PRMT1: variants seen among roughly 807,000 people sequenced by gnomAD.
PRMT1 encodes protein arginine methyltransferase 1, also known as protein arginine N-methyltransferase 1.
A neutral mutation model predicts 47.4 loss-of-function variants in PRMT1; 5 were observed. That is an observed-to-expected ratio of 0.11 (90% CI 0.06 to 0.22). The LOEUF (loss-of-function observed/expected upper bound fraction) is 0.22, where lower values mean the gene tolerates loss of function less well. Ranked by LOEUF, PRMT1 falls within the 10% of genes least tolerant of loss-of-function variation. PRMT1 has a pLI of 1.00. For missense variants in PRMT1, 249 were observed against 518.4 expected, an observed-to-expected ratio of 0.48 and a Z score of 5.05; for synonymous variants, 227 against 204.6, an observed-to-expected ratio of 1.11 and a Z score of -0.94.
Position 49,684,138 on chromosome 19 carries a change from C to T in PRMT1, c.555+69C>T. On this transcript the variant is annotated intron_variant, in intron 6 of 10. Coordinates refer to ENST00000454376, the MANE Select transcript of PRMT1 (RefSeq NM_001536.6). This position sits in a 1 kb window ranked among gnomAD's most constrained non-coding sequence, Gnocchi z 6.2. The stretch of plus-strand genomic sequence containing the variant: ...CCAGGTAGAAGACGAAAACCACGCT[C>T]AATTTTTCCCACAGACGGGACTTAC... The T allele has an allele frequency of 6.3e-7, 1 of 1,586,318 alleles. No homozygotes were observed. The highest frequency in any genetic ancestry group is 1.1e-5 in the South Asian group (1 of 88,806).
intron 10 of PRMT1, chr19:49,687,874 C>T: frequency 7.8e-6 from 4 of 513,774 alleles, no homozygotes. Context: ...ATGAAAGAAG[C>T]AATCACTGCA....
chr19:49,688,104 C>G lies in PRMT1; in HGVS notation c.1033-58C>G. 1 of 1,475,800 alleles carries G rather than the reference C, an allele frequency of 6.8e-7. No individual in the cohort carries two copies. The allele number at this position is 1,475,800 out of a possible 1,614,324, so 91.4% of individuals were successfully genotyped here. A position where few individuals can be genotyped will look rare whatever the true frequency, so the allele number is the denominator to read the frequency against. On this transcript the variant is annotated intron_variant, in intron 10 of 10. Coordinates refer to ENST00000454376, the MANE Select transcript of PRMT1 (RefSeq NM_001536.6). The surrounding 1 kb of genome is among the most constrained non-coding windows in gnomAD (Gnocchi z 5.3). ...CATCGTCGCATAGCCTGCCTGCACC[C>G]GCCCCCCGCCACCACCTCCTGGTGG... is the stretch of plus-strand genomic sequence containing the variant.
At chr19:49,682,480 G>A (rs1278360810) in intron 5 of PRMT1, among the ~76,000 whole-genome samples, 2 of 152,198 alleles carry the variant, frequency 1.3e-5, no homozygotes, top group African/African-American at 4.8e-5. Flanking sequence ...CTAGTTTCTT[G>A]AATGAGTAAT....
intron 5 of PRMT1, 122 bp from the exon 6 acceptor site, chr19:49,683,805 A>G: frequency 8.9e-7 from 1 of 1,125,266 alleles, no homozygotes. Flanking sequence ...AGAAGGGTTC[A>G]TGGCTTCTGC....
rs369148335 is a variant in PRMT1, at chr19:49,686,615, C to T, written c.921C>T (p.Ser307=). 5.0e-6 allele frequency: 8 copies of T among 1,611,172 alleles called. No homozygotes were observed. The highest frequency in any genetic ancestry group is 1.3e-5 in the African/African-American group (1 of 74,696). ...CGCCCGCGCCCCCAGGCCCCGAGTCCCCGTACACGCACTGGAAGCAGACGG... is the reference window on the plus strand; with the variant it reads ...CGCCCGCGCCCCCAGGCCCCGAGTCTCCGTACACGCACTGGAAGCAGACGG... The part of the protein sequence containing the change: ...KRTGFSTSPE[S]PYTHWKQTVF... Residue 307 remains serine (S), a synonymous_variant, in exon 10 of 11, where the codon TCC becomes TCT. Transcript: ENST00000454376.
At chr19:49,677,202 T>G, upstream of PRMT1, 2 of 1,317,612 alleles carry the variant, frequency 1.5e-6, no homozygotes, top group Non-Finnish European at 2.0e-6. Context: ...CCGTGGACCC[T>G]CTGGTATAAG....
intron 1 of PRMT1, among the ~76,000 whole-genome samples, chr19:49,678,640 G>A (rs1391622099): frequency 6.6e-6 from 1 of 152,090 alleles, no homozygotes; most frequent in Middle Eastern, 3.2e-3. Flanking sequence ...TGGGGCCTCT[G>A]TCCTTCCACC....
rs770520998 is a variant in PRMT1 at position 49,686,785 on chromosome 19, GGGGGGAGTGGT to G, written c.1032+67_1032+77del. On this transcript the variant is annotated intron_variant, in intron 10 of 10. Coordinates refer to ENST00000454376, the MANE Select transcript of PRMT1 (RefSeq NM_001536.6). The stretch of plus-strand genomic sequence containing the variant: ...AGCTAGGGCGGGGAGTGTAGATTGG[GGGGGGAGTGGT>G]GGGGGAGGAATGGTGGCAGCGGGGG... The G allele has an allele frequency of 4.3e-3, 4,603 of 1,082,628 alleles. 98 individuals carry two copies. The highest frequency in any genetic ancestry group is 5.3e-3 in the Admixed American group (168 of 31,530). The allele number at this position is 1,082,628 out of a possible 1,614,324, so 67.1% of individuals were successfully genotyped here.
intron 1 of PRMT1, 64 bp from the exon 2 acceptor site, chr19:49,679,808 G>A (rs928391726): frequency 1.3e-4 from 178 of 1,345,260 alleles, no homozygotes; most frequent in Middle Eastern, 1.8e-4. Flanking sequence ...CCCAGGTTCC[G>A]CCACCCAGCC....
At chr19:49,678,956 T>G (rs1265669774) in intron 1 of PRMT1, among the ~76,000 whole-genome samples, 4 of 150,468 alleles carry the variant, frequency 2.7e-5, no homozygotes, top group African/African-American at 7.4e-5. Context: ...TGATCTCGGC[T>G]CATTGCAACC....
Position 49,683,976 on chromosome 19 carries a change from G to A in PRMT1, c.462G>A (p.Glu154=). 6.2e-7 allele frequency: 1 copy of A among 1,614,118 alleles called. No homozygotes were observed. The highest frequency in any genetic ancestry group is 1.1e-5 in the South Asian group (1 of 91,082). Reference sequence around the variant, plus strand: ...TGGAGGAGGTGGAGCTCCCAGTGGAGAAGGTGGACATCATCATCAGCGAGT... The same window carrying A: ...TGGAGGAGGTGGAGCTCCCAGTGGAAAAGGTGGACATCATCATCAGCGAGT... ...GKVEEVELPV[E]KVDIIISEWM... Residue 154 remains glutamate (E), a synonymous_variant, in exon 6 of 11, where the codon GAG becomes GAA. Transcript: ENST00000454376.
Position 49,680,348 on chromosome 19 carries a change from C to T in PRMT1, c.91-139C>T. ...TGGGGTTCCTGGGGGGGCAAGATGG[C>T]AGGCGGGGGCTGTAGGGTTGTCATG... On this transcript the variant is annotated intron_variant, in intron 2 of 10. Coordinates refer to ENST00000454376, the MANE Select transcript of PRMT1 (RefSeq NM_001536.6). This position sits in a 1 kb window ranked among gnomAD's most constrained non-coding sequence, Gnocchi z 4.2. The T allele has an allele frequency of 9.2e-7, 1 of 1,081,594 alleles. No homozygotes were observed. The highest frequency in any genetic ancestry group is 1.4e-6 in the Non-Finnish European group (1 of 719,726). The allele number at this position is 1,081,594 out of a possible 1,614,324, so 67.0% of individuals were successfully genotyped here. A position where few individuals can be genotyped will look rare whatever the true frequency, so the allele number is the denominator to read the frequency against.
chr19:49,680,409 A>G lies in PRMT1; in HGVS notation c.91-78A>G. 7.8e-7 allele frequency: 1 copy of G among 1,279,930 alleles called. No individual in the cohort carries two copies. Among genetic ancestry groups the G allele is most frequent in the Non-Finnish European group, 1.1e-6 (1 of 879,698 alleles). The allele number at this position is 1,279,930 out of a possible 1,614,324, so 79.3% of individuals were successfully genotyped here. A position where few individuals can be genotyped will look rare whatever the true frequency, so the allele number is the denominator to read the frequency against. ...GGGGGTTCTATACTACTCTTCAGGGAAAAGTAGGGCGCTGGAGGTTTAAGA... is the reference window on the plus strand; with the variant it reads ...GGGGGTTCTATACTACTCTTCAGGGGAAAGTAGGGCGCTGGAGGTTTAAGA... On this transcript the variant is annotated intron_variant, in intron 2 of 10. Coordinates refer to ENST00000454376, the MANE Select transcript of PRMT1 (RefSeq NM_001536.6). This position sits in a 1 kb window ranked among gnomAD's most constrained non-coding sequence, Gnocchi z 4.2.
In PRMT1 at chr19:49,688,088, A is replaced by G; in HGVS notation, c.1033-74A>G. 1 of 1,315,724 alleles carries G rather than the reference A, an allele frequency of 7.6e-7. No homozygotes were observed. Among genetic ancestry groups the G allele is most frequent in the South Asian group, 1.2e-5 (1 of 85,130 alleles). The allele number at this position is 1,315,724 out of a possible 1,614,324, so 81.5% of individuals were successfully genotyped here. A position where few individuals can be genotyped will look rare whatever the true frequency, so the allele number is the denominator to read the frequency against. On this transcript the variant is annotated intron_variant, in intron 10 of 10. Coordinates refer to ENST00000454376, the MANE Select transcript of PRMT1 (RefSeq NM_001536.6). This position sits in a 1 kb window ranked among gnomAD's most constrained non-coding sequence, Gnocchi z 5.3. ...AAGCTGGAGCCCGGCTCATCGTCGC[A>G]TAGCCTGCCTGCACCCGCCCCCCGC...
chr19:49,686,292 G>A, intron 9 of PRMT1, 49 bp downstream of exon 9: 1 of 1,541,270 alleles, frequency 6.5e-7, no homozygotes, highest in Non-Finnish European at 8.8e-7. Flanking sequence ...CCAGGGCGGA[G>A]GCGCACCCAC....
intron 1 of PRMT1, chr19:49,679,545 C>T (rs972033173): frequency 1.3e-5 from 8 of 621,686 alleles, no homozygotes; most frequent in Admixed American, 4.1e-5. Flanking sequence ...TGAGAGGGAG[C>T]GACAGCTGGC....
At position 49,684,877 on chromosome 19, in the gene PRMT1, G is replaced by T. The variant is rs200996986; in HGVS notation, c.643+36G>T. On this transcript the variant is annotated intron_variant, in intron 7 of 10. Coordinates refer to ENST00000454376, the MANE Select transcript of PRMT1 (RefSeq NM_001536.6). The surrounding 1 kb of genome is among the most constrained non-coding windows in gnomAD (Gnocchi z 6.2). ...CCCGGGAGCTGGCGGGCGGGGCCTC[G>T]GGTGGGCTGCTGCGGGCTCACCCCC... 2.5e-6 allele frequency: 4 copies of T among 1,610,342 alleles called. No homozygotes were observed. Among genetic ancestry groups the T allele is most frequent in the Non-Finnish European group, 1.7e-6 (2 of 1,177,730 alleles).
At chr19:49,683,645 G>A (rs186082508) in intron 5 of PRMT1, 27 of 303,336 alleles carry the variant, frequency 8.9e-5, no homozygotes, top group South Asian at 2.5e-4. Context: ...CTGAGATCAC[G>A]CCACTGCACT....
chr19:49,683,577 A>C (rs1160122165), intron 5 of PRMT1: 2 of 198,196 alleles, frequency 1.0e-5, no homozygotes, highest in Non-Finnish European at 2.1e-5. Context: ...AGTCCCAGCT[A>C]CTCGGGAGGC....
Sources: gnomAD v4.1 joint callset for allele counts (sites outside exome capture counted in the v4.1 genomes callset) on GRCh38, gnomAD v4.1.1 for gene constraint, Gnocchi (gnomAD v3.1) non-coding constraint, MANE v1.5 for transcripts, NCBI Gene and HGNC (gene_info 2026-07-23, HGNC 2026-07-21) for gene names.